The following DVL3 variants were observed in gnomAD, a reference collection of about 807,000 sequenced individuals.
DVL3 encodes the protein segment polarity protein dishevelled homolog DVL-3.
DVL3 carries 27 observed loss-of-function variants against 67.4 expected under a neutral mutation model. The ratio of observed to expected loss-of-function variants is 0.40; its 90% CI spans 0.30 to 0.55. The LOEUF (loss-of-function observed/expected upper bound fraction) is 0.55, where lower values mean the gene tolerates loss of function less well. Among genes scored for constraint, DVL3 ranks in the 20% least tolerant of loss-of-function variants. The probability of loss-of-function intolerance (pLI) is 0.46; values close to 1 mark genes in which losing one functional copy is unlikely to be tolerated. For missense variants in DVL3, 819 were observed against 1,021.5 expected, an observed-to-expected ratio of 0.80 and a Z score of 2.70; for synonymous variants, 369 against 396.8, an observed-to-expected ratio of 0.93 and a Z score of 0.83.
Position 184,170,019 on chromosome 3 carries a change from G to C in DVL3, c.1512G>C (p.Leu504=). Residue 504 remains leucine (L), a synonymous_variant, in exon 14 of 15, where the codon CTG becomes CTC. Transcript: ENST00000313143. This position sits in a 1 kb window ranked among gnomAD's most constrained non-coding sequence, Gnocchi z 6.5. ...FGDLCGNMAN[L]SLHDHDGSSG... The stretch of plus-strand genomic sequence containing the variant: ...TCCCCTTCACAGACATGGCCAACCT[G>C]TCTCTCCACGATCACGATGGCTCCA... 6.2e-7 allele frequency: 1 copy of C among 1,607,498 alleles called. No homozygotes were observed. Among genetic ancestry groups the C allele is most frequent in the Non-Finnish European group, 8.5e-7 (1 of 1,175,460 alleles).
rs149535046 is a variant in DVL3, at chr3:184,171,310, C to G, written c.*555C>G. On this transcript the variant is annotated 3_prime_UTR_variant, in exon 15 of 15. Transcript: ENST00000313143. ...GCTGCCTCAGTCCTGCAACCTAAAG[C>G]TGTAGTCGCCTCCAATAGCCATCCA... is the stretch of plus-strand genomic sequence containing the variant. 31 of 1,023,722 alleles carry G rather than the reference C, an allele frequency of 3.0e-5. No homozygotes were observed. Among genetic ancestry groups the G allele is most frequent in the Non-Finnish European group, 3.6e-5 (31 of 854,592 alleles). The allele number at this position is 1,023,722 out of a possible 1,614,324, so 63.4% of individuals were successfully genotyped here.
At position 184,164,282 on chromosome 3, in the gene DVL3, G is replaced by A; in HGVS notation, c.247G>A (p.Gly83Ser). Residue 83 changes from glycine to serine, a missense_variant, in exon 3 of 15, where the codon GGC (glycine) becomes AGC (serine). Coordinates refer to ENST00000313143, the MANE Select transcript of DVL3 (RefSeq NM_004423.4). This position sits in a 1 kb window ranked among gnomAD's most constrained non-coding sequence, Gnocchi z 5.3. Reference protein sequence around the residue: ...RVVSWLVSAEGSHPDPAPFCA... With the variant: ...RVVSWLVSAESSHPDPAPFCA... Reference sequence around the variant, plus strand: ...TCCCTTTCAGCTGGTGTCAGCTGAGGGCTCACACCCAGACCCAGCCCCCTT... The same window carrying A: ...TCCCTTTCAGCTGGTGTCAGCTGAGAGCTCACACCCAGACCCAGCCCCCTT... 6.2e-7 allele frequency: 1 copy of A among 1,614,028 alleles called. No homozygotes were observed.
Position 184,170,291 on chromosome 3 carries a change from C to G in DVL3, c.1715-28C>G. 1 of 1,590,860 alleles carries G rather than the reference C, an allele frequency of 6.3e-7. No homozygotes were observed. Among genetic ancestry groups the G allele is most frequent in the Non-Finnish European group, 8.6e-7 (1 of 1,168,310 alleles). On this transcript the variant is annotated intron_variant, in intron 14 of 14. Coordinates refer to ENST00000313143, the MANE Select transcript of DVL3 (RefSeq NM_004423.4). The surrounding 1 kb of genome is among the most constrained non-coding windows in gnomAD (Gnocchi z 6.5). ...GCTTCCCCCGCCCGCTCAGCCTGCCCCACCCCGGCCCTGTTTGCCTCCTAC... is the reference window on the plus strand; with the variant it reads ...GCTTCCCCCGCCCGCTCAGCCTGCCGCACCCCGGCCCTGTTTGCCTCCTAC...
In DVL3 at chr3:184,172,029, A is replaced by T. The variant is rs1368506713; in HGVS notation, c.*1274A>T. 1.3e-5 allele frequency: 2 copies of T among 152,668 alleles called. No individual in the cohort carries two copies. The highest frequency in any genetic ancestry group is 6.5e-5 in the Admixed American group (1 of 15,276). The allele number at this position is 152,668 out of a possible 1,614,324, so 9.5% of individuals were successfully genotyped here. On this transcript the variant is annotated 3_prime_UTR_variant, in exon 15 of 15. Transcript: ENST00000313143. ...CTGGTAGACCTTAAACCTCGCACAC[A>T]TGTCCCCAGCATTTTCTCACCTGGA...
chr3:184,166,657 C>G lies in DVL3; in HGVS notation c.1032C>G (p.Cys344Trp). 6.2e-7 allele frequency: 1 copy of G among 1,614,118 alleles called. No homozygotes were observed. The highest frequency in any genetic ancestry group is 8.5e-7 in the Non-Finnish European group (1 of 1,180,006). Residue 344 changes from cysteine (C) to tryptophan (W), a missense_variant, in exon 10 of 15, where the codon TGC (cysteine) becomes TGG (tryptophan). Around this residue, in one of 3 missense-constraint regions of DVL3, gnomAD observed 385 missense variants for 486.8 expected, o/e 0.79. Transcript: ENST00000313143. The surrounding 1 kb of genome is among the most constrained non-coding windows in gnomAD (Gnocchi z 6.7). Reference protein sequence around the residue: ...AKCWDPSPRGCFTLPRSEPIR... With the variant: ...AKCWDPSPRGWFTLPRSEPIR... ...GCTGGGACCCAAGTCCACGTGGTTG[C>G]TTCACATTGCCCAGGAGTAAGTGGA...
At chr3:184,161,718 C>T (rs910654860) in intron 1 of DVL3, among the ~76,000 whole-genome samples, 1 of 152,192 alleles carries the variant, frequency 6.6e-6, no homozygotes, top group Non-Finnish European at 1.5e-5. Flanking sequence ...CATTGTCCTC[C>T]AGCACCCACT....
chr3:184,170,825 T>C lies in DVL3; in HGVS notation c.*70T>C. On this transcript the variant is annotated 3_prime_UTR_variant, in exon 15 of 15. Transcript: ENST00000313143. The surrounding 1 kb of genome is among the most constrained non-coding windows in gnomAD (Gnocchi z 6.5). ...CTGCGTTCCTCTCTCCATCCGTCCG[T>C]CTTTTTTACTTTGTCTGGTACCTGA... is the stretch of plus-strand genomic sequence containing the variant. 6.3e-7 allele frequency: 1 copy of C among 1,586,704 alleles called. No homozygotes were observed. The highest frequency in any genetic ancestry group is 1.1e-5 in the South Asian group (1 of 88,210).
intron 1 of DVL3, among the ~76,000 whole-genome samples, chr3:184,158,961 A>T (rs538024749): frequency 6.6e-6 from 1 of 151,882 alleles, no homozygotes; most frequent in African/African-American, 2.4e-5. Flanking sequence ...TTTTTGGTAG[A>T]GATGGGGTTT....
In DVL3 at chr3:184,155,903, T is replaced by C; in HGVS notation, c.161+107T>C. ...TCGCTACACCGGCTCCTAGCCCCGC[T>C]CTGACTTCTAGGGGCGACTCGGCCC... On this transcript the variant is annotated intron_variant, in intron 1 of 14. Coordinates refer to ENST00000313143, the MANE Select transcript of DVL3 (RefSeq NM_004423.4). This position sits in a 1 kb window ranked among gnomAD's most constrained non-coding sequence, Gnocchi z 5.4. 2 of 1,374,422 alleles carry C rather than the reference T, an allele frequency of 1.5e-6. No individual in the cohort carries two copies. Among genetic ancestry groups the C allele is most frequent in the East Asian group, 2.4e-5 (1 of 40,982 alleles). 85.1% of individuals were successfully genotyped at this position (1,374,422 alleles called of 1,614,324 possible). A position where few individuals can be genotyped will look rare whatever the true frequency, so the allele number is the denominator to read the frequency against.
At chr3:184,169,798 T>C (rs1714739774) in intron 13 of DVL3, among the ~76,000 whole-genome samples, 2 of 152,118 alleles carry the variant, frequency 1.3e-5, no homozygotes, top group Non-Finnish European at 2.9e-5. Context: ...CCTAGAATGA[T>C]GACTCAGGGT....
rs1327241917 is a variant in DVL3 at position 184,170,363 on chromosome 3, AAGG to A, written c.1762_1764del (p.Glu588del). 4.4e-6 allele frequency: 7 copies of A among 1,605,888 alleles called. No individual in the cohort carries two copies. Among genetic ancestry groups the A allele is most frequent in the Admixed American group, 3.4e-5 (2 of 58,892 alleles). Reference sequence around the variant, plus strand: ...CAACCGTAGCGGCAGCGATCGGAGGAAGGAGAAGGACCCGAAGGCCGGGGACTC... The same window carrying A: ...CAACCGTAGCGGCAGCGATCGGAGGAAGAAGGACCCGAAGGCCGGGGACTC... On this transcript the variant is annotated inframe_deletion, in exon 15 of 15. Transcript: ENST00000313143. This position sits in a 1 kb window ranked among gnomAD's most constrained non-coding sequence, Gnocchi z 6.5.
rs769995890 is a variant in DVL3, at chr3:184,157,262, G to T, written c.161+1466G>T. Among the ~76,000 whole-genome samples, 4 of 152,150 alleles carry T rather than the reference G, an allele frequency of 2.6e-5. No individual in the cohort carries two copies. The South Asian group carries it at 8.3e-4, about 32-fold the overall frequency. ...TAGAAGGGGTCTGGGTGAGGGGGTGGATACTTTGGCCTGGCAAGAGAAGAA... is the reference window on the plus strand; with the variant it reads ...TAGAAGGGGTCTGGGTGAGGGGGTGTATACTTTGGCCTGGCAAGAGAAGAA... On this transcript the variant is annotated intron_variant, in intron 1 of 14. Coordinates refer to ENST00000313143, the MANE Select transcript of DVL3 (RefSeq NM_004423.4).
At position 184,170,154 on chromosome 3, in the gene DVL3, G is replaced by C; in HGVS notation, c.1647G>C (p.Pro549=). The C allele has an allele frequency of 6.2e-7, 1 of 1,613,496 alleles. No individual in the cohort carries two copies. Among genetic ancestry groups the C allele is most frequent in the Non-Finnish European group, 8.5e-7 (1 of 1,179,938 alleles). Residue 549 remains proline, a synonymous_variant, in exon 14 of 15, where the codon CCG becomes CCC. Transcript: ENST00000313143. This position sits in a 1 kb window ranked among gnomAD's most constrained non-coding sequence, Gnocchi z 6.5. ...CGCCACCCCCGCACCCATACAACCCGCACCCGGGCTTCCCGGAGCTGGGCT... is the reference window on the plus strand; with the variant it reads ...CGCCACCCCCGCACCCATACAACCCCCACCCGGGCTTCCCGGAGCTGGGCT... The part of the protein sequence containing the change: ...QYPPPPHPYN[P]HPGFPELGYS...
rs371894225 is a variant in DVL3 at position 184,164,420 on chromosome 3, A to G, written c.353+32A>G. 49 of 1,610,476 alleles carry G rather than the reference A, an allele frequency of 3.0e-5. No individual in the cohort carries two copies. The East Asian group carries it at 6.5e-4, about 21-fold the overall frequency. On this transcript the variant is annotated intron_variant, in intron 3 of 14. Coordinates refer to ENST00000313143, the MANE Select transcript of DVL3 (RefSeq NM_004423.4). The surrounding 1 kb of genome is among the most constrained non-coding windows in gnomAD (Gnocchi z 5.3). ...GTGACCTGAGGGTGGGGAGGGCCGCATCAGTTCAGCCCAGGGCTGGGGGAG... is the reference window on the plus strand; with the variant it reads ...GTGACCTGAGGGTGGGGAGGGCCGCGTCAGTTCAGCCCAGGGCTGGGGGAG...
At position 184,170,683 on chromosome 3, in the gene DVL3, A is replaced by G. The variant is rs1319897343; in HGVS notation, c.2079A>G (p.Glu693=). The G allele has an allele frequency of 1.9e-6, 3 of 1,611,660 alleles. No individual in the cohort carries two copies. The African/African-American group carries it at 4.0e-5, about 22-fold the overall frequency. ...GCGACCTGGCCTCAGTGCCCCCGGA[A>G]CTGACCGCCAGCAGACAGTCCTTCC... The part of the protein sequence containing the change: ...PGRDLASVPP[E]LTASRQSFRM... The change falls in exon 15 of 15, where the codon GAA becomes GAG. Residue 693 remains glutamate (E), a synonymous_variant. Transcript: ENST00000313143. This position sits in a 1 kb window ranked among gnomAD's most constrained non-coding sequence, Gnocchi z 6.5.
At chr3:184,169,948 C>CT in intron 13 of DVL3, 58 bp from the exon 14 acceptor site, 1 of 1,477,700 alleles carries the variant, frequency 6.8e-7, no homozygotes, top group East Asian at 2.3e-5. Context: ...CCCACCTGAC[C>CT]TAGGCTAGGG....
chr3:184,161,109 C>G (rs1714364770), intron 1 of DVL3, among the ~76,000 whole-genome samples: 1 of 152,152 alleles, frequency 6.6e-6, no homozygotes, highest in Non-Finnish European at 1.5e-5. Context: ...AAGCACATTC[C>G]CAGCTCTGGG....
rs1714652778 is a variant in DVL3 at position 184,167,827 on chromosome 3, C to T, written c.1331-71C>T. On this transcript the variant is annotated intron_variant, in intron 12 of 14. Coordinates refer to ENST00000313143, the MANE Select transcript of DVL3 (RefSeq NM_004423.4). This position sits in a 1 kb window ranked among gnomAD's most constrained non-coding sequence, Gnocchi z 4.6. ...TTTGATCTGGAGCCAGCCCCAGCCTCATAGCTTCTGTGAGGCCAGATGAGT... is the reference window on the plus strand; with the variant it reads ...TTTGATCTGGAGCCAGCCCCAGCCTTATAGCTTCTGTGAGGCCAGATGAGT... The T allele has an allele frequency of 6.2e-7, 1 of 1,610,396 alleles. No individual in the cohort carries two copies. The highest frequency in any genetic ancestry group is 1.3e-5 in the African/African-American group (1 of 74,870).
chr3:184,161,973 G>A (rs964770730), intron 1 of DVL3, among the ~76,000 whole-genome samples: 4 of 152,152 alleles, frequency 2.6e-5, no homozygotes, highest in Admixed American at 2.0e-4. Flanking sequence ...ATAAGGTGGT[G>A]TAATGGTAAG....
Sources: allele counts gnomAD v4.1 joint callset (sites outside exome capture counted in the v4.1 genomes callset), GRCh38; gene constraint gnomAD v4.1.1; regional missense constraint gnomAD v4.1.1; non-coding constraint Gnocchi (gnomAD v3.1); transcripts MANE v1.5; gene names NCBI Gene and HGNC (gene_info 2026-07-23, HGNC 2026-07-21).